Variants in POLN observed in about 807,000 individuals in gnomAD.
POLN encodes DNA polymerase nu, also known as DNA polymerase N.
POLN carries 108 observed loss-of-function variants against 113.5 expected under a neutral mutation model. The ratio of observed to expected loss-of-function variants is 0.95; its 90% CI spans 0.81 to 1.12. The LOEUF is 1.12. Ranked by LOEUF, POLN falls within the 50% of genes most tolerant of loss-of-function variation. POLN has a pLI of 0.00. For synonymous variants in POLN, 386 were observed against 391.5 expected (o/e 0.99, Z 0.17); for missense variants, 1,097 against 1,077.1 (o/e 1.02, Z -0.26).
intron 13 of POLN, among the ~76,000 whole-genome samples, chr4:2,159,868 T>A: frequency 6.6e-6 from 1 of 152,044 alleles, no homozygotes; most frequent in Admixed American, 6.5e-5. Flanking sequence ...TGCATGAATG[T>A]AGAACATTAC....
At chr4:2,084,908 C>A (rs1730513206) in intron 21 of POLN, among the ~76,000 whole-genome samples, 1 of 152,144 alleles carries the variant, frequency 6.6e-6, no homozygotes, top group Non-Finnish European at 1.5e-5. Flanking sequence ...TCCTTTTTTC[C>A]CTGCTGCTCT....
intron 2 of POLN, chr4:2,240,402 T>A (rs755865463): frequency 6.2e-6 from 10 of 1,612,572 alleles, no homozygotes; most frequent in Non-Finnish European, 8.5e-6. Context: ...TAAATTAGAA[T>A]GTCTGAAGAA....
At chr4:2,235,363 A>G (rs1734724349) in intron 2 of POLN, among the ~76,000 whole-genome samples, 1 of 152,178 alleles carries the variant, frequency 6.6e-6, no homozygotes, top group East Asian at 1.9e-4. Flanking sequence ...TGTTTTAAAA[A>G]CCACAGGAAA....
At chr4:2,161,910 G>A (rs559588701) in intron 13 of POLN, among the ~76,000 whole-genome samples, 2 of 152,232 alleles carry the variant, frequency 1.3e-5, no homozygotes, top group South Asian at 2.1e-4. Flanking sequence ...GTGGGGACTT[G>A]GAGAACCTTT....
At chr4:2,224,672 T>C (rs1734340538) in intron 3 of POLN, among the ~76,000 whole-genome samples, 1 of 152,116 alleles carries the variant, frequency 6.6e-6, no homozygotes, top group Admixed American at 6.5e-5. Context: ...ATAATGCAGC[T>C]GGGTGCGGTG....
chr4:2,127,525 G>A lies in POLN; in HGVS notation c.1982+588C>T, dbSNP rs537450571. Among the ~76,000 whole-genome samples the A allele has an allele frequency of 4.6e-5, 7 of 152,232 alleles. No individual in the cohort carries two copies. Among genetic ancestry groups the A allele is most frequent in the South Asian group, 2.1e-4 (1 of 4,828 alleles). On this transcript the variant is annotated intron_variant, in intron 19 of 25. Coordinates refer to ENST00000511885, the MANE Select transcript of POLN (RefSeq NM_181808.4). This position sits in a 1 kb window ranked among gnomAD's most constrained non-coding sequence, Gnocchi z 4.7. Reference sequence around the variant, plus strand: ...AGGGGTGAGAGAGAGCCTTGCACCCGTCTCTCCATCCTGCTTTGGAGACCG... The same window carrying A: ...AGGGGTGAGAGAGAGCCTTGCACCCATCTCTCCATCCTGCTTTGGAGACCG...
intron 13 of POLN, among the ~76,000 whole-genome samples, chr4:2,168,893 A>G (rs534313620): frequency 6.6e-6 from 1 of 152,338 alleles, no homozygotes; most frequent in East Asian, 1.9e-4. Flanking sequence ...GATCTGCACA[A>G]CCTACATTCT....
At chr4:2,143,504 GATA>G (rs1215215379) in intron 16 of POLN, among the ~76,000 whole-genome samples, 4 of 152,142 alleles carry the variant, frequency 2.6e-5, no homozygotes, top group Non-Finnish European at 4.4e-5. Context: ...ATATGAAAGA[GATA>G]ATGTGAGCAA....
At chr4:2,103,216 G>A (rs1245786391) in intron 19 of POLN, among the ~76,000 whole-genome samples, 1 of 152,014 alleles carries the variant, frequency 6.6e-6, no homozygotes, top group African/African-American at 2.4e-5. Flanking sequence ...ATTCACAAAT[G>A]AGAAACTTAC....
At chr4:2,119,010 T>A (rs576599572) in intron 19 of POLN, among the ~76,000 whole-genome samples, 2 of 152,204 alleles carry the variant, frequency 1.3e-5, no homozygotes, top group African/African-American at 4.8e-5. Context: ...GTCTGACCCC[T>A]ACCAGGTACG....
At chr4:2,240,222 T>A in intron 2 of POLN, 4 of 1,613,852 alleles carry the variant, frequency 2.5e-6, no homozygotes, top group Non-Finnish European at 3.4e-6. Context: ...TGTCTGTATA[T>A]CTAAAAGTTG....
chr4:2,208,396 G>A lies in POLN; in HGVS notation c.305C>T (p.Ala102Val), dbSNP rs745662879. The A allele has an allele frequency of 1.4e-5, 22 of 1,612,504 alleles. No individual in the cohort carries two copies. The Middle Eastern group carries it at 2.5e-3, about 182-fold the overall frequency. ...FSVRLTDQLS[A>V]DQKQKSISSL... ...GCTGATGCTCTTCTGTTTTTGGTCA[G>A]CAGACAGCTGATCTGTGAGCCTGAC... The change falls in exon 5 of 26, where the codon GCT becomes GTT. Residue 102 changes from alanine (A) to valine (V), a missense_variant. Ala to Val is a moderately conservative substitution (Grantham distance 64). Coordinates refer to ENST00000511885, the MANE Select transcript of POLN (RefSeq NM_181808.4).
intron 5 of POLN, among the ~76,000 whole-genome samples, chr4:2,203,931 G>A (rs1335586449): frequency 6.6e-6 from 1 of 151,696 alleles, no homozygotes; most frequent in Admixed American, 6.6e-5. Context: ...CCAATATGGT[G>A]AAACCCCATC....
In POLN at chr4:2,128,241, T is replaced by C. The variant is rs1731633541; in HGVS notation, c.1868-14A>G. On this transcript the variant is annotated splice_polypyrimidine_tract_variant and intron_variant, in intron 18 of 25. Coordinates refer to ENST00000511885, the MANE Select transcript of POLN (RefSeq NM_181808.4). ...TCTGTGAAAAGTCTGTGAGATACAG[T>C]TCTGCATTAATTTAGAGTTTGCCAG... is the stretch of plus-strand genomic sequence containing the variant. 6 of 1,532,504 alleles carry C rather than the reference T, an allele frequency of 3.9e-6. No individual in the cohort carries two copies. In the African/African-American group the frequency reaches 8.2e-5, roughly 21 times the overall value. 94.9% of individuals were successfully genotyped at this position (1,532,504 alleles called of 1,614,324 possible). A position where few individuals can be genotyped will look rare whatever the true frequency, so the allele number is the denominator to read the frequency against.
chr4:2,216,108 C>T (rs1225393270), intron 3 of POLN, among the ~76,000 whole-genome samples: 1 of 152,216 alleles, frequency 6.6e-6, no homozygotes, highest in Non-Finnish European at 1.5e-5. Flanking sequence ...AGCTCTACCT[C>T]CACCTGACGC....
chr4:2,222,621 G>C (rs926676272), intron 3 of POLN, among the ~76,000 whole-genome samples: 1 of 151,924 alleles, frequency 6.6e-6, no homozygotes, highest in African/African-American at 2.4e-5. Flanking sequence ...ACGGCTACAG[G>C]CTGTCACTTT....
At chr4:2,151,503 G>A (rs1029261668) in intron 16 of POLN, among the ~76,000 whole-genome samples, 2 of 152,204 alleles carry the variant, frequency 1.3e-5, no homozygotes, top group African/African-American at 4.8e-5. Flanking sequence ...ATGTAAGGAC[G>A]TGCAGTCAAT....
chr4:2,090,450 G>A (rs572344427), intron 20 of POLN: 11 of 580,246 alleles, frequency 1.9e-5, no homozygotes, highest in South Asian at 1.5e-4. Context: ...CTTCATGATC[G>A]TATTCTTCTA....
At chr4:2,216,658 G>A (rs1300136179) in intron 3 of POLN, among the ~76,000 whole-genome samples, 5 of 152,226 alleles carry the variant, frequency 3.3e-5, no homozygotes, top group Non-Finnish European at 7.3e-5. Context: ...TTGGGTGATG[G>A]AGCTGACTGA....
Sources: allele counts gnomAD v4.1 joint callset (sites outside exome capture counted in the v4.1 genomes callset), GRCh38; gene constraint gnomAD v4.1.1; non-coding constraint Gnocchi (gnomAD v3.1); transcripts MANE v1.5; gene names NCBI Gene and HGNC (gene_info 2026-07-23, HGNC 2026-07-21).